Variants in GNAZ observed in about 807,000 individuals in gnomAD.
GNAZ encodes the protein G protein subunit alpha z.
GNAZ carries 3 observed loss-of-function variants against 25.4 expected under a neutral mutation model. The observed-to-expected ratio is 0.12, with a 90% CI of 0.05 to 0.30. The LOEUF (loss-of-function observed/expected upper bound fraction) is 0.30, where lower values mean the gene tolerates loss of function less well. Among genes scored for constraint, GNAZ ranks in the 10% least tolerant of loss-of-function variants. GNAZ has a pLI of 1.00. For missense variants in GNAZ, 241 were observed against 501.8 expected, an observed-to-expected ratio of 0.48 and a Z score of 4.97; for synonymous variants, 211 against 205.7, an observed-to-expected ratio of 1.03 and a Z score of -0.22.
intron 2 of GNAZ, among the ~76,000 whole-genome samples, chr22:23,111,408 T>C (rs1412597192): frequency 6.6e-6 from 1 of 152,100 alleles, no homozygotes; most frequent in Non-Finnish European, 1.5e-5. Context: ...CCCAGAAAAG[T>C]CTCAAGTGCT....
At chr22:23,109,684 A>C (rs2146357187) in intron 2 of GNAZ, among the ~76,000 whole-genome samples, 1 of 152,354 alleles carries the variant, frequency 6.6e-6, no homozygotes. Flanking sequence ...TGTCTCCCTC[A>C]GCATCTCAGA....
At chr22:23,091,157 C>A (rs2068960475) in intron 1 of GNAZ, among the ~76,000 whole-genome samples, 1 of 152,222 alleles carries the variant, frequency 6.6e-6, no homozygotes, top group African/African-American at 2.4e-5. Flanking sequence ...TGCATGCACA[C>A]CCAAAGATGT....
intron 1 of GNAZ, among the ~76,000 whole-genome samples, chr22:23,088,355 G>A (rs1601776792): frequency 6.6e-6 from 1 of 152,268 alleles, no homozygotes; most frequent in South Asian, 2.1e-4. Context: ...GTGTGAGGAA[G>A]GGCCTGTGGT....
chr22:23,104,905 G>A (rs957853558), intron 2 of GNAZ, among the ~76,000 whole-genome samples: 1 of 152,180 alleles, frequency 6.6e-6, no homozygotes, highest in African/African-American at 2.4e-5. Context: ...GGGCATCTCA[G>A]GGGGGACACC....
At chr22:23,073,689 A>G (rs1403462769) in intron 1 of GNAZ, among the ~76,000 whole-genome samples, 1 of 152,222 alleles carries the variant, frequency 6.6e-6, no homozygotes, top group Admixed American at 6.5e-5. Flanking sequence ...ATAGGAGGAG[A>G]CATCAGCCCT....
intron 1 of GNAZ, among the ~76,000 whole-genome samples, chr22:23,077,565 G>T (rs773603778): frequency 6.6e-6 from 1 of 152,160 alleles, no homozygotes; most frequent in East Asian, 1.9e-4. Flanking sequence ...GTGCTAAACC[G>T]TGTGGTTTCA....
intron 1 of GNAZ, among the ~76,000 whole-genome samples, chr22:23,076,478 T>A (rs927048260): frequency 3.9e-5 from 6 of 152,212 alleles, no homozygotes; most frequent in African/African-American, 1.4e-4. Context: ...TAAGAGGTTG[T>A]ACCTTTGGGT....
chr22:23,084,333 C>A (rs1318691984), intron 1 of GNAZ, among the ~76,000 whole-genome samples: 28 of 152,204 alleles, frequency 1.8e-4, no homozygotes, highest in Non-Finnish European at 5.9e-5. Context: ...TCAGTAAATT[C>A]CACAAGATAC....
intron 2 of GNAZ, among the ~76,000 whole-genome samples, chr22:23,113,639 A>C (rs1040040272): frequency 2.0e-5 from 3 of 152,214 alleles, no homozygotes. Context: ...AGAGGCATCT[A>C]GCACAGGGGG....
At chr22:23,093,164 G>T (rs2069033952) in intron 1 of GNAZ, among the ~76,000 whole-genome samples, 1 of 152,248 alleles carries the variant, frequency 6.6e-6, no homozygotes, top group Admixed American at 6.5e-5. Flanking sequence ...TGCTGGAGTG[G>T]GAGGGTCATC....
At chr22:23,085,819 G>A (rs1283613193) in intron 1 of GNAZ, among the ~76,000 whole-genome samples, 1 of 152,214 alleles carries the variant, frequency 6.6e-6, no homozygotes, top group Non-Finnish European at 1.5e-5. Context: ...CCTAGGAGGT[G>A]GCCTAAGGCC....
intron 1 of GNAZ, among the ~76,000 whole-genome samples, chr22:23,083,522 G>A (rs775080335): frequency 1.1e-4 from 17 of 152,154 alleles, no homozygotes; most frequent in African/African-American, 2.7e-4. Context: ...TCTGTTCTGC[G>A]AATCTTTCAC....
intron 1 of GNAZ, among the ~76,000 whole-genome samples, chr22:23,091,375 A>C (rs1342903094): frequency 6.6e-6 from 1 of 151,088 alleles, no homozygotes; most frequent in East Asian, 1.9e-4. Flanking sequence ...CACACATACC[A>C]CAATGGACCT....
At position 23,124,214 on chromosome 22, in the gene GNAZ, GT is replaced by G. The variant is rs755464439; in HGVS notation, c.*798del. The G allele has an allele frequency of 0.022, 3,169 of 146,264 alleles. 41 individuals are homozygous for G. Among genetic ancestry groups the G allele is most frequent in the African/African-American group, 0.069 (2,312 of 33,748 alleles). The allele number at this position is 146,264 out of a possible 1,614,324, so 9.1% of individuals were successfully genotyped here. ...CATTTTTTTTTTGTTTTGTTTTTTG[GT>G]TTTTTTTTTTTTTTGGCCAAATCTC... On this transcript the variant is annotated 3_prime_UTR_variant, in exon 3 of 3. Coordinates refer to ENST00000615612, the MANE Select transcript of GNAZ (RefSeq NM_002073.4).
At position 23,096,004 on chromosome 22, in the gene GNAZ, C is replaced by T. The variant is rs1805058; in HGVS notation, c.309C>T (p.Asp103=). 0.26 allele frequency: 419,142 copies of T among 1,608,086 alleles called. 56,189 individuals are homozygous for T. The highest frequency in any genetic ancestry group is 0.36 in the East Asian group (16,283 of 44,866). The change falls in exon 2 of 3, where the codon GAC becomes GAT. Residue 103 remains aspartate (D), a synonymous_variant. Coordinates refer to ENST00000615612, the MANE Select transcript of GNAZ (RefSeq NM_002073.4). ...TCCACAACCCCGACCGCGCCTACGA[C>T]GCTGTGCAGCTCTTTGCGCTGACGG... ...IDFHNPDRAY[D]AVQLFALTGP...
intron 2 of GNAZ, among the ~76,000 whole-genome samples, chr22:23,122,873 C>A (rs531742828): frequency 6.6e-6 from 1 of 152,334 alleles, no homozygotes; most frequent in South Asian, 2.1e-4. Context: ...ATCTTCCAAG[C>A]ACTTGCCACT....
intron 2 of GNAZ, among the ~76,000 whole-genome samples, chr22:23,109,916 C>T (rs922764325): frequency 6.6e-6 from 1 of 152,216 alleles, no homozygotes; most frequent in African/African-American, 2.4e-5. Flanking sequence ...CACCATGTGC[C>T]CTGTGCTGTC....
At chr22:23,115,100 G>A (rs2069785052) in intron 2 of GNAZ, among the ~76,000 whole-genome samples, 1 of 152,222 alleles carries the variant, frequency 6.6e-6, no homozygotes, top group Non-Finnish European at 1.5e-5. Context: ...TGTGGCCACA[G>A]CAAACTGCAT....
intron 1 of GNAZ, among the ~76,000 whole-genome samples, chr22:23,079,459 G>C (rs1001909858): frequency 2.6e-5 from 4 of 152,310 alleles, no homozygotes; most frequent in Admixed American, 1.3e-4. Context: ...TGGCAGGAGT[G>C]GGGGAGGGGG....
Sources: allele counts gnomAD v4.1 joint callset (sites outside exome capture counted in the v4.1 genomes callset), GRCh38; gene constraint gnomAD v4.1.1; transcripts MANE v1.5; gene names NCBI Gene and HGNC (gene_info 2026-07-23, HGNC 2026-07-21).